The following RLIM variants were observed in gnomAD, a reference collection of about 807,000 sequenced individuals.
RLIM encodes the protein ring finger protein, LIM domain interacting, also known as E3 ubiquitin-protein ligase RLIM.
RLIM carries 2 observed loss-of-function variants against 34.0 expected under a neutral mutation model. That is an observed-to-expected ratio of 0.06 (90% CI 0.02 to 0.19). The LOEUF (loss-of-function observed/expected upper bound fraction) is 0.19. Ranked by LOEUF, RLIM falls within the 10% of genes least tolerant of loss-of-function variation. The probability of loss-of-function intolerance (pLI) is 1.00; values close to 1 mark genes in which losing one functional copy is unlikely to be tolerated. For synonymous variants in RLIM, 169 were observed against 164.0 expected, an observed-to-expected ratio of 1.03 and a Z score of -0.23; for missense variants, 286 against 479.7, an observed-to-expected ratio of 0.60 and a Z score of 3.77.
At chrX:74,612,998 G>A (rs1259807471) in intron 1 of RLIM, among the ~76,000 whole-genome samples, 3 of 111,252 alleles carry the variant, frequency 2.7e-5, no homozygotes, top group South Asian at 7.5e-4. Context: ...AGAACATCAT[G>A]GACTAAAAAA....
rs754903952 is a variant in RLIM, at chrX:74,592,892, T to A, written c.423A>T (p.Ile141=). 2 of 1,210,216 alleles carry A rather than the reference T, an allele frequency of 1.7e-6. No individual in the cohort carries two copies. The highest frequency in any genetic ancestry group is 3.5e-5 in the African/African-American group (2 of 57,336). ...GGCTCCCATTATTACGGTTAACATT[T>A]ATCTCTAAACTGAATCTGAAATCAC... ...NSGDFRFSLE[I]NVNRNNGSQN... The change falls in exon 4 of 4, where the codon ATA becomes ATT. Residue 141 remains isoleucine, a synonymous_variant. Transcript: ENST00000332687.
chrX:74,592,277 C>T lies in RLIM; in HGVS notation c.1038G>A (p.Arg346=), dbSNP rs769658691. The change falls in exon 4 of 4, where the codon AGG becomes AGA. Residue 346 remains arginine (R), a synonymous_variant. Transcript: ENST00000332687. ...RDSIASRTRS[R]SQTPNNTVTY... ...TGACAGTGTTGTTTGGTGTCTGAGA[C>T]CTAGACCGAGTTCTGCTGGCTATGC... is the stretch of plus-strand genomic sequence containing the variant. The T allele has an allele frequency of 6.6e-6, 8 of 1,211,526 alleles. No individual in the cohort carries two copies. In the South Asian group the frequency reaches 1.4e-4, roughly 21 times the overall value.
At chrX:74,605,525 G>C (rs2079678866) in intron 1 of RLIM, among the ~76,000 whole-genome samples, 1 of 111,892 alleles carries the variant, frequency 8.9e-6, no homozygotes, top group African/African-American at 3.2e-5. Flanking sequence ...AGCTTAAGTA[G>C]CAAGAGGAAA....
At position 74,592,418 on chromosome X, in the gene RLIM, A is replaced by T; in HGVS notation, c.897T>A (p.Gly299=). The T allele has an allele frequency of 1.7e-6, 2 of 1,211,823 alleles. No individual in the cohort carries two copies. Among genetic ancestry groups the T allele is most frequent in the Non-Finnish European group, 2.2e-6 (2 of 895,533 alleles). Residue 299 remains glycine (G), a synonymous_variant, in exon 4 of 4, where the codon GGT becomes GGA. Coordinates refer to ENST00000332687, the MANE Select transcript of RLIM (RefSeq NM_016120.4). ...CACCACTGGCAGCTGTGTCTGAAGA[A>T]CCTGCTCCTTGAGAAGCATTTCTTG... ...SGTRNASQGA[G]SSDTAASGES... is the part of the protein sequence containing the mutation.
In RLIM at chrX:74,592,532, T is replaced by G. The variant is rs1343468745; in HGVS notation, c.783A>C (p.Gly261=). The change falls in exon 4 of 4, where the codon GGA becomes GGC. Residue 261 remains glycine (G), a synonymous_variant. Transcript: ENST00000332687. ...TCACATGGTGCCGGGTTCTAGAACT[T>G]CCCTCCGTCTCATTTACCAAAGGAT... ...FEHPLVNETE[G]SSRTRHHVTL... 8.3e-7 allele frequency: 1 copy of G among 1,209,979 alleles called. No individual in the cohort carries two copies. The highest frequency in any genetic ancestry group is 2.2e-5 in the Admixed American group (1 of 45,702).
At chrX:74,605,644 A>G (rs1164302727) in intron 1 of RLIM, among the ~76,000 whole-genome samples, 1 of 112,166 alleles carries the variant, frequency 8.9e-6, no homozygotes, top group Admixed American at 9.5e-5. Flanking sequence ...TGACTTCAGC[A>G]TATGATTAGC....
chrX:74,611,973 T>C (rs1300396758), intron 1 of RLIM, among the ~76,000 whole-genome samples: 1 of 112,025 alleles, frequency 8.9e-6, no homozygotes, highest in East Asian at 2.8e-4. Flanking sequence ...TCCCAGTTTG[T>C]CGGGGACAAT....
rs1372822457 is a variant in RLIM at position 74,583,980 on chromosome X, G to C, written c.*7460C>G. Reference sequence around the variant, plus strand: ...AGAATCGTTTGAACCCAGAGGCAGAGGTTGCAGTGAGCCAAGATCGCACCA... The same window carrying C: ...AGAATCGTTTGAACCCAGAGGCAGACGTTGCAGTGAGCCAAGATCGCACCA... On this transcript the variant is annotated 3_prime_UTR_variant, in exon 4 of 4. Transcript: ENST00000332687. 9.0e-6 allele frequency among the ~76,000 whole-genome samples: 1 copy of C among 111,644 alleles called. No individual in the cohort carries two copies. Among genetic ancestry groups the C allele is most frequent in the Non-Finnish European group, 1.9e-5 (1 of 53,177 alleles).
At position 74,602,694 on chromosome X, in the gene RLIM, A is replaced by G. The variant is rs1418780185; in HGVS notation, c.-23-6694T>C. 3.6e-5 allele frequency among the ~76,000 whole-genome samples: 4 copies of G among 111,937 alleles called. No homozygotes were observed. In the East Asian group the frequency reaches 1.1e-3, roughly 31 times the overall value. On this transcript the variant is annotated intron_variant, in intron 1 of 3. Coordinates refer to ENST00000332687, the MANE Select transcript of RLIM (RefSeq NM_016120.4). ...AGAGGCTGCTGTGAGCCAAGACTGC[A>G]TCACTGCACTCCAGCCTGGGAGATC...
chrX:74,599,009 CATT>C (rs766497816), intron 1 of RLIM, among the ~76,000 whole-genome samples: 55 of 111,525 alleles, frequency 4.9e-4, no homozygotes, highest in African/African-American at 1.8e-3. Flanking sequence ...TCATTCTTCT[CATT>C]AGTAAACCTA....
intron 1 of RLIM, among the ~76,000 whole-genome samples, chrX:74,613,330 T>C (rs764987271): frequency 9.0e-6 from 1 of 110,601 alleles, no homozygotes; most frequent in Admixed American, 9.7e-5. Flanking sequence ...TGGCAAAAAA[T>C]CATTGTGGGG....
chrX:74,583,998 T>C lies in RLIM; in HGVS notation c.*7442A>G, dbSNP rs1229106869. Among the ~76,000 whole-genome samples the C allele has an allele frequency of 3.6e-5, 4 of 111,454 alleles. No individual in the cohort carries two copies. Among genetic ancestry groups the C allele is most frequent in the Non-Finnish European group, 7.5e-5 (4 of 53,119 alleles). On this transcript the variant is annotated 3_prime_UTR_variant, in exon 4 of 4. Transcript: ENST00000332687. The stretch of plus-strand genomic sequence containing the variant: ...AGGCAGAGGTTGCAGTGAGCCAAGA[T>C]CGCACCATTGCACTCCAGCCTGGGC...
rs766108787 is a variant in RLIM at position 74,591,862 on chromosome X, T to C, written c.1453A>G (p.Ser485Gly). The C allele has an allele frequency of 8.3e-7, 1 of 1,211,010 alleles. No individual in the cohort carries two copies. Among genetic ancestry groups the C allele is most frequent in the South Asian group, 1.8e-5 (1 of 56,936 alleles). The change falls in exon 4 of 4, where the codon AGT (serine) becomes GGT (glycine). Residue 485 changes from serine (S) to glycine (G), a missense_variant. By Grantham distance (56) the Ser-to-Gly change is moderately conservative (BLOSUM62 0). Around this residue, in one of 6 missense-constraint regions of RLIM, gnomAD observed 69 missense variants for 83.5 expected, o/e 0.83. Coordinates refer to ENST00000332687, the MANE Select transcript of RLIM (RefSeq NM_016120.4). ...AATAAATCTGAGCTAGTTTCTGAAC[T>C]TTCACCACCGGAACTGGAACTAGGA... is the stretch of plus-strand genomic sequence containing the variant. The part of the protein sequence containing the change: ...SSPSSSSGGE[S>G]SETSSDLFEG...
Position 74,589,020 on chromosome X carries a change from A to G in RLIM, c.*2420T>C, listed in dbSNP as rs1464914934. ...TCACATGCACATGTCCAATATGTGCATTCCACTGAAGGCTAAAAGCTTAAA... is the reference window on the plus strand; with the variant it reads ...TCACATGCACATGTCCAATATGTGCGTTCCACTGAAGGCTAAAAGCTTAAA... On this transcript the variant is annotated 3_prime_UTR_variant, in exon 4 of 4. Coordinates refer to ENST00000332687, the MANE Select transcript of RLIM (RefSeq NM_016120.4). 1.8e-5 allele frequency: 2 copies of G among 112,344 alleles called. No homozygotes were observed. The highest frequency in any genetic ancestry group is 3.8e-5 in the Non-Finnish European group (2 of 53,325). 9.3% of individuals were successfully genotyped at this position (112,344 alleles called of 1,213,427 possible).
rs944631685 is a variant in RLIM at position 74,609,980 on chromosome X, A to G, written c.-24+4442T>C. 8.0e-5 allele frequency among the ~76,000 whole-genome samples: 9 copies of G among 112,294 alleles called. No homozygotes were observed. In the Admixed American group the frequency reaches 8.5e-4, roughly 11 times the overall value. Reference sequence around the variant, plus strand: ...ATCATGGAAACGCCATTAGACTCTCAAATGTTATAAAAGCAAACCAACCTG... The same window carrying G: ...ATCATGGAAACGCCATTAGACTCTCGAATGTTATAAAAGCAAACCAACCTG... On this transcript the variant is annotated intron_variant, in intron 1 of 3. Coordinates refer to ENST00000332687, the MANE Select transcript of RLIM (RefSeq NM_016120.4).
At chrX:74,612,322 C>T (rs1216102166) in intron 1 of RLIM, among the ~76,000 whole-genome samples, 1 of 111,857 alleles carries the variant, frequency 8.9e-6, no homozygotes. Flanking sequence ...TTGTTCTATA[C>T]AGGTATTGGT....
rs190288651 is a variant in RLIM at position 74,602,682 on chromosome X, A to T, written c.-23-6682T>A. The stretch of plus-strand genomic sequence containing the variant: ...AACCTGGGAGGCAGAGGCTGCTGTG[A>T]GCCAAGACTGCATCACTGCACTCCA... On this transcript the variant is annotated intron_variant, in intron 1 of 3. Transcript: ENST00000332687. Among the ~76,000 whole-genome samples the T allele has an allele frequency of 1.3e-3, 148 of 112,006 alleles. 1 individual carries two copies. In the Middle Eastern group the frequency reaches 0.014, roughly 10 times the overall value.
rs1342466750 is a variant in RLIM at position 74,583,605 on chromosome X, G to A, written c.*7835C>T. 3.9e-5 allele frequency: 18 copies of A among 457,994 alleles called. 1 individual carries two copies. Among genetic ancestry groups the A allele is most frequent in the East Asian group, 3.8e-4 (10 of 26,245 alleles). The allele number at this position is 457,994 out of a possible 1,213,427, so 37.7% of individuals were successfully genotyped here. A position where few individuals can be genotyped will look rare whatever the true frequency, so the allele number is the denominator to read the frequency against. On this transcript the variant is annotated 3_prime_UTR_variant, in exon 4 of 4. Coordinates refer to ENST00000332687, the MANE Select transcript of RLIM (RefSeq NM_016120.4). ...TCTGGAAATAAAACACCTTGATACC[G>A]TTTGCCCTAGGGCTGATTACAAGGT...
At position 74,613,181 on chromosome X, in the gene RLIM, G is replaced by T. The variant is rs1286191345; in HGVS notation, c.-24+1241C>A. ...GAAGATACAATGTACTTAATGGGGTGATAAGTAGTTACTCTGTCTATAATC... is the reference window on the plus strand; with the variant it reads ...GAAGATACAATGTACTTAATGGGGTTATAAGTAGTTACTCTGTCTATAATC... On this transcript the variant is annotated intron_variant, in intron 1 of 3. Coordinates refer to ENST00000332687, the MANE Select transcript of RLIM (RefSeq NM_016120.4). Among the ~76,000 whole-genome samples the T allele has an allele frequency of 7.2e-5, 8 of 110,946 alleles. No individual in the cohort carries two copies. The Admixed American group carries it at 7.7e-4, about 11-fold the overall frequency.
Sources: gnomAD v4.1 joint callset for allele counts (sites outside exome capture counted in the v4.1 genomes callset) on GRCh38, gnomAD v4.1.1 for gene constraint, gnomAD v4.1.1 regional missense constraint, MANE v1.5 for transcripts, NCBI Gene and HGNC (gene_info 2026-07-23, HGNC 2026-07-21) for gene names.